The following SEPHS1 variants were observed in gnomAD, a reference collection of about 807,000 sequenced individuals.
SEPHS1 encodes zincore component SEPHS1.
In SEPHS1, 7 loss-of-function variants were observed where a neutral mutation model predicts 39.2. The ratio of observed to expected loss-of-function variants is 0.18; its 90% CI spans 0.10 to 0.34. The LOEUF is 0.34. SEPHS1 is among the 10% of genes least tolerant of loss of function. The pLI, the probability that SEPHS1 is intolerant of heterozygous loss-of-function variation, is 1.00. For missense variants in SEPHS1, 253 were observed against 514.5 expected (o/e 0.49, Z 4.92); for synonymous variants, 190 against 195.5 (o/e 0.97, Z 0.23).
intron 1 of SEPHS1, among the ~76,000 whole-genome samples, chr10:13,346,614 GA>G (rs752955970): frequency 1.3e-4 from 20 of 149,364 alleles, no homozygotes; most frequent in Admixed American, 4.7e-4. Flanking sequence ...AGAGTTATGG[GA>G]AAGTTTGAAT....
intron 2 of SEPHS1, among the ~76,000 whole-genome samples, chr10:13,342,731 A>C (rs1833829024): frequency 6.6e-6 from 1 of 151,856 alleles, no homozygotes; most frequent in Non-Finnish European, 1.5e-5. Flanking sequence ...ACAATGCAAA[A>C]CAGTAATCTT....
Position 13,321,231 on chromosome 10 carries a change from G to A in SEPHS1, c.964+1604C>T, listed in dbSNP as rs560824077. On this transcript the variant is annotated intron_variant, in intron 8 of 8. Coordinates refer to ENST00000327347, the MANE Select transcript of SEPHS1 (RefSeq NM_012247.5). The stretch of plus-strand genomic sequence containing the variant: ...TGGATCCCACCGTTTTTGGGAGGCT[G>A]GGGCTAGGCATGTGTATTTTTCTTT... 1.2e-3 allele frequency among the ~76,000 whole-genome samples: 185 copies of A among 149,988 alleles called. No homozygotes were observed. In the Middle Eastern group the frequency reaches 0.014, roughly 11 times the overall value.
chr10:13,319,421 C>T (rs10906347), intron 8 of SEPHS1, 65 bp from the exon 9 acceptor site: 676,439 of 1,524,108 alleles, frequency 0.44, 156,340 homozygotes, highest in East Asian at 0.64. Flanking sequence ...GCCTCTGCTG[C>T]TTCTGCAGAG....
At chr10:13,346,961 C>A (rs1055720173) in intron 1 of SEPHS1, among the ~76,000 whole-genome samples, 2 of 151,932 alleles carry the variant, frequency 1.3e-5, no homozygotes, top group African/African-American at 4.8e-5. Flanking sequence ...AGCCTCACAT[C>A]CTAATGAAAA....
intron 7 of SEPHS1, among the ~76,000 whole-genome samples, chr10:13,327,753 G>T (rs1323898654): frequency 6.6e-6 from 1 of 152,286 alleles, no homozygotes; most frequent in East Asian, 1.9e-4. Flanking sequence ...GTGTGAAACA[G>T]GAGAGCAGAG....
intron 5 of SEPHS1, among the ~76,000 whole-genome samples, chr10:13,333,383 T>C (rs1833525826): frequency 6.6e-6 from 1 of 152,026 alleles, no homozygotes; most frequent in South Asian, 2.1e-4. Flanking sequence ...TCCACCCGCC[T>C]TGGCCTCCAA....
At chr10:13,320,989 C>A (rs1833093819) in intron 8 of SEPHS1, among the ~76,000 whole-genome samples, 1 of 152,154 alleles carries the variant, frequency 6.6e-6, no homozygotes, top group African/African-American at 2.4e-5. Context: ...CCTGTTGGAG[C>A]TTACTTCTAG....
chr10:13,321,964 GGT>G (rs1319931375), intron 8 of SEPHS1: 7 of 423,296 alleles, frequency 1.7e-5, no homozygotes, highest in African/African-American at 1.3e-4. Context: ...TGGGGCGTAT[GGT>G]GTCAGACCTG....
rs62641684 is a variant in SEPHS1 at position 13,336,300 on chromosome 10, G to A, written c.348C>T (p.Val116=). The A allele has an allele frequency of 4.7e-4, 762 of 1,613,996 alleles. 2 individuals are homozygous for A. The African/African-American group carries it at 9.1e-3, about 19-fold the overall frequency. Residue 116 remains valine (V), a synonymous_variant, in exon 4 of 9, where the codon GTC becomes GTT. Transcript: ENST00000327347. ...GCATCAGCATATTGTCACATTCCGT[G>A]ACCCCCATTGCATAGAGGTCACTGA... is the stretch of plus-strand genomic sequence containing the variant. ...NVLSDLYAMG[V]TECDNMLMLL...
chr10:13,330,908 C>T (rs554048444), intron 5 of SEPHS1, among the ~76,000 whole-genome samples: 1 of 152,042 alleles, frequency 6.6e-6, no homozygotes, highest in African/African-American at 2.4e-5. Context: ...CATAGGTATA[C>T]ATGTGCCATG....
chr10:13,325,190 T>TA (rs967590619), intron 7 of SEPHS1, among the ~76,000 whole-genome samples: 2 of 152,244 alleles, frequency 1.3e-5, no homozygotes, highest in Non-Finnish European at 2.9e-5. Flanking sequence ...AATTTTTTAA[T>TA]AGATAGTGCT....
chr10:13,325,958 AAAAAAAT>A (rs1221891017), intron 7 of SEPHS1, among the ~76,000 whole-genome samples: 9 of 117,830 alleles, frequency 7.6e-5, no homozygotes, highest in East Asian at 2.5e-4. Context: ...AAAAAAAAAA[AAAAAAAT>A]AATAATAATA....
chr10:13,345,681 A>G lies in SEPHS1; in HGVS notation c.-78-653T>C, dbSNP rs570651285. Among the ~76,000 whole-genome samples the G allele has an allele frequency of 3.3e-5, 5 of 152,274 alleles. No individual in the cohort carries two copies. The East Asian group carries it at 9.7e-4, about 29-fold the overall frequency. ...GTGGATCACCTGAAGTCAGGACACA[A>G]GCCTGGCCAACATGGCGAAACCCCG... On this transcript the variant is annotated intron_variant, in intron 1 of 8. Transcript: ENST00000327347.
At chr10:13,325,917 AAAAAAAAAAAAAAAAAGAG>A (rs1833257480) in intron 7 of SEPHS1, among the ~76,000 whole-genome samples, 1 of 74,588 alleles carries the variant, frequency 1.3e-5, no homozygotes, top group Non-Finnish European at 2.2e-5. Context: ...AAAAAAAAAA[AAAAAAAAAAAAAAAAAGAG>A]ACTCAGTCTC....
intron 8 of SEPHS1, among the ~76,000 whole-genome samples, chr10:13,321,693 A>G (rs1340456316): frequency 6.6e-6 from 1 of 152,222 alleles, no homozygotes; most frequent in Non-Finnish European, 1.5e-5. Context: ...AAAGGGGGCA[A>G]AAGAGAAATG....
intron 7 of SEPHS1, among the ~76,000 whole-genome samples, chr10:13,327,145 G>C (rs1228040278): frequency 6.8e-6 from 1 of 146,906 alleles, no homozygotes; most frequent in Admixed American, 7.0e-5. Flanking sequence ...GAAGGCTGAG[G>C]CAACAGAACT....
intron 7 of SEPHS1, among the ~76,000 whole-genome samples, chr10:13,326,376 T>C (rs922346857): frequency 1.3e-5 from 2 of 150,916 alleles, no homozygotes; most frequent in Non-Finnish European, 2.9e-5. Context: ...TGGGAGGCTG[T>C]GGCAGAAGAA....
chr10:13,322,104 T>A (rs1301780077), intron 8 of SEPHS1: 1 of 444,756 alleles, frequency 2.2e-6, no homozygotes, highest in Admixed American at 2.6e-5. Context: ...AGACATAATA[T>A]CCTATTGCAT....
Position 13,333,800 on chromosome 10 carries a change from A to C in SEPHS1, c.560+17T>G. 1 of 1,611,502 alleles carries C rather than the reference A, an allele frequency of 6.2e-7. No homozygotes were observed. Among genetic ancestry groups the C allele is most frequent in the African/African-American group, 1.3e-5 (1 of 74,808 alleles). On this transcript the variant is annotated intron_variant, in intron 5 of 8. Coordinates refer to ENST00000327347, the MANE Select transcript of SEPHS1 (RefSeq NM_012247.5). The stretch of plus-strand genomic sequence containing the variant: ...GAGAAAAACAGGTCAGGTGATATGA[A>C]ACAAAAATCAACTTACATGATAAAT...
Sources: gnomAD v4.1 joint callset for allele counts (sites outside exome capture counted in the v4.1 genomes callset) on GRCh38, gnomAD v4.1.1 for gene constraint, MANE v1.5 for transcripts, NCBI Gene and HGNC (gene_info 2026-07-23, HGNC 2026-07-21) for gene names.